Variants in SOX5 observed in about 807,000 individuals in gnomAD.
SOX5 encodes transcription factor SOX-5.
A neutral mutation model predicts 92.0 loss-of-function variants in SOX5; 9 were observed. The ratio of observed to expected loss-of-function variants is 0.10; its 90% CI spans 0.06 to 0.17. The LOEUF (loss-of-function observed/expected upper bound fraction) is 0.17. Among genes scored for constraint, SOX5 ranks in the 10% least tolerant of loss-of-function variants. SOX5 has a pLI of 1.00. For synonymous variants in SOX5, 344 were observed against 336.3 expected, an observed-to-expected ratio of 1.02 and a Z score of -0.25; for missense variants, 642 against 944.5, an observed-to-expected ratio of 0.68 and a Z score of 4.20.
intron 1 of SOX5, among the ~76,000 whole-genome samples, chr12:24,486,220 A>G (rs960487346): frequency 6.6e-6 from 1 of 152,196 alleles, no homozygotes; most frequent in African/African-American, 2.4e-5. Flanking sequence ...TATAGACATA[A>G]GCCACTGCAC....
intron 1 of SOX5, among the ~76,000 whole-genome samples, chr12:23,916,092 T>C (rs1446141326): frequency 6.6e-6 from 1 of 152,078 alleles, no homozygotes; most frequent in Admixed American, 6.5e-5. Flanking sequence ...GAAATAAGAA[T>C]GAAAAAAGAA....
At chr12:24,452,820 T>C (rs1370216377) in intron 1 of SOX5, among the ~76,000 whole-genome samples, 1 of 152,194 alleles carries the variant, frequency 6.6e-6, no homozygotes, top group Non-Finnish European at 1.5e-5. Flanking sequence ...TTCTTTTGTT[T>C]TCAAATATGG....
intron 3 of SOX5, among the ~76,000 whole-genome samples, chr12:24,220,753 G>A (rs932633952): frequency 1.3e-5 from 2 of 152,104 alleles, no homozygotes; most frequent in African/African-American, 4.8e-5. Context: ...GAATAGAAAA[G>A]CAACATTTTG....
At chr12:23,956,671 G>A (rs1278336074) in intron 4 of SOX5, among the ~76,000 whole-genome samples, 1 of 147,542 alleles carries the variant, frequency 6.8e-6, no homozygotes, top group Admixed American at 6.8e-5. Flanking sequence ...TAATGCAATG[G>A]TCTTGCCTAA....
At chr12:24,307,508 A>AG (rs1948723035) in intron 2 of SOX5, among the ~76,000 whole-genome samples, 416 of 30,864 alleles carry the variant, frequency 0.013, 69 homozygotes, top group South Asian at 0.04. Context: ...GAAGGAAGGA[A>AG]GGAAGGAAGG....
intron 2 of SOX5, among the ~76,000 whole-genome samples, chr12:24,334,242 G>C (rs1951652177): frequency 6.6e-6 from 1 of 151,862 alleles, no homozygotes; most frequent in Non-Finnish European, 1.5e-5. Flanking sequence ...AAATAATATA[G>C]ATTTTAGTGT....
At chr12:24,496,344 A>T (rs1007987318) in intron 1 of SOX5, among the ~76,000 whole-genome samples, 9 of 152,322 alleles carry the variant, frequency 5.9e-5, no homozygotes, top group African/African-American at 1.9e-4. Flanking sequence ...TCACTCCATG[A>T]AAAGAACAAT....
At chr12:24,047,170 T>C (rs1957124061) in intron 4 of SOX5, among the ~76,000 whole-genome samples, 1 of 152,208 alleles carries the variant, frequency 6.6e-6, no homozygotes, top group Admixed American at 6.5e-5. Context: ...AACATTTCAG[T>C]GTCACTGATC....
At chr12:23,863,753 G>A (rs946284786) in intron 2 of SOX5, among the ~76,000 whole-genome samples, 11 of 150,676 alleles carry the variant, frequency 7.3e-5, no homozygotes, top group South Asian at 2.1e-4. Context: ...AATGAAAATT[G>A]AGCTATTTTG....
intron 1 of SOX5, chr12:23,920,284 T>C (rs1215211990): frequency 6.6e-6 from 1 of 152,242 alleles, no homozygotes; most frequent in East Asian, 1.9e-4. Context: ...TTAATTTACC[T>C]GAAGTCATTT....
intron 2 of SOX5, among the ~76,000 whole-genome samples, chr12:24,307,401 T>G (rs1948684823): frequency 6.6e-6 from 1 of 150,916 alleles, no homozygotes; most frequent in Non-Finnish European, 1.5e-5. Flanking sequence ...ATGGAAGAAC[T>G]GGGATCTGGC....
chr12:24,402,705 A>G (rs12315695), intron 1 of SOX5, among the ~76,000 whole-genome samples: 11,366 of 152,280 alleles, frequency 0.075, 1,446 homozygotes, highest in African/African-American at 0.26. Context: ...GTATAAAAAA[A>G]GAAAGCCTGA....
intron 9 of SOX5, among the ~76,000 whole-genome samples, chr12:23,589,360 T>G (rs1229691439): frequency 6.6e-6 from 1 of 151,920 alleles, no homozygotes; most frequent in African/African-American, 2.4e-5. Flanking sequence ...CTTCAGCAGC[T>G]TATGTAAGGG....
chr12:24,512,934 G>A (rs778940893), intron 1 of SOX5, among the ~76,000 whole-genome samples: 2 of 152,192 alleles, frequency 1.3e-5, no homozygotes, highest in East Asian at 1.9e-4. Context: ...CTCAACTTAC[G>A]ATGGTTGCAC....
At chr12:24,365,002 C>A (rs1956021317) in intron 2 of SOX5, among the ~76,000 whole-genome samples, 1 of 152,028 alleles carries the variant, frequency 6.6e-6, no homozygotes, top group Middle Eastern at 3.4e-3. Context: ...ATTTCAGTGG[C>A]ATTAATTGGT....
At chr12:24,469,337 A>G (rs1256592084) in intron 1 of SOX5, among the ~76,000 whole-genome samples, 1 of 152,192 alleles carries the variant, frequency 6.6e-6, no homozygotes, top group Non-Finnish European at 1.5e-5. Flanking sequence ...AGTTCCTAAC[A>G]GACCACGGAC....
intron 8 of SOX5, among the ~76,000 whole-genome samples, chr12:23,625,182 C>G (rs1180546345): frequency 6.6e-6 from 1 of 152,028 alleles, no homozygotes; most frequent in African/African-American, 2.4e-5. Context: ...GCTAAGAAAC[C>G]AATTGTGTAG....
At chr12:23,907,641 T>A (rs2097307627) in intron 1 of SOX5, among the ~76,000 whole-genome samples, 1 of 152,086 alleles carries the variant, frequency 6.6e-6, no homozygotes. Flanking sequence ...TATATGGGAA[T>A]GTTTGTAATA....
chr12:24,079,112 C>T (rs1231212345), intron 4 of SOX5, among the ~76,000 whole-genome samples: 3 of 149,332 alleles, frequency 2.0e-5, no homozygotes, highest in Non-Finnish European at 4.4e-5. Flanking sequence ...ACGTAGCAGC[C>T]AAAATGATGA....
Sources: gnomAD v4.1 joint callset for allele counts (sites outside exome capture counted in the v4.1 genomes callset) on GRCh38, gnomAD v4.1.1 for gene constraint, MANE v1.5 for transcripts, NCBI Gene and HGNC (gene_info 2026-07-23, HGNC 2026-07-21) for gene names.